Variants in ADGRG6 observed in about 807,000 individuals in gnomAD.
The protein encoded by ADGRG6 is adhesion G protein-coupled receptor G6.
Under a neutral mutation model 142.4 loss-of-function variants are expected in ADGRG6, and 84 were observed. The observed-to-expected ratio is 0.59, with a 90% CI of 0.49 to 0.71. The LOEUF (loss-of-function observed/expected upper bound fraction) is 0.71. ADGRG6 is among the 30% of genes least tolerant of loss of function. The probability of loss-of-function intolerance (pLI) is 0.00; values close to 1 mark genes in which losing one functional copy is unlikely to be tolerated. For missense variants in ADGRG6, 1,367 were observed against 1,466.6 expected, an observed-to-expected ratio of 0.93 and a Z score of 1.11; for synonymous variants, 521 against 520.5, an observed-to-expected ratio of 1.00 and a Z score of -0.01.
intron 2 of ADGRG6, among the ~76,000 whole-genome samples, chr6:142,340,761 C>T (rs779622832): frequency 1.4e-4 from 22 of 151,994 alleles, no homozygotes; most frequent in Non-Finnish European, 2.4e-4. Context: ...GTTGCTGAGC[C>T]TCAATAAGAG....
intron 16 of ADGRG6, among the ~76,000 whole-genome samples, chr6:142,409,133 A>T (rs1775959057): frequency 1.3e-5 from 2 of 152,146 alleles, no homozygotes; most frequent in South Asian, 4.1e-4. Flanking sequence ...CCATCTCCCC[A>T]GTTGAAACTC....
chr6:142,338,288 A>G (rs7738522), intron 2 of ADGRG6, among the ~76,000 whole-genome samples: 150,740 of 151,074 alleles, frequency 1, 75,205 homozygotes, highest in Middle Eastern at 1. Flanking sequence ...GATTACAGGC[A>G]TGAGCCACCG....
In ADGRG6 at chr6:142,443,772, T is replaced by C; in HGVS notation, c.*257T>C. The C allele has an allele frequency of 6.4e-6, 2 of 314,862 alleles. No homozygotes were observed. The highest frequency in any genetic ancestry group is 5.8e-5 in the South Asian group (1 of 17,196). The allele number at this position is 314,862 out of a possible 1,614,324, so 19.5% of individuals were successfully genotyped here. A position where few individuals can be genotyped will look rare whatever the true frequency, so the allele number is the denominator to read the frequency against. On this transcript the variant is annotated 3_prime_UTR_variant, in exon 25 of 25. Coordinates refer to ENST00000367609, the MANE Select transcript of ADGRG6 (RefSeq NM_198569.3). ...CACAGAAGCTATGATTTGTAAAATA[T>C]ATAATTGAATCAGAGTAATCATAAT...
intron 24 of ADGRG6, among the ~76,000 whole-genome samples, chr6:142,439,331 A>T (rs1341417769): frequency 1.1e-4 from 16 of 152,234 alleles, no homozygotes; most frequent in Admixed American, 1.0e-3. Context: ...GATAATGGAA[A>T]TAACTTTTAA....
chr6:142,383,884 A>G lies in ADGRG6; in HGVS notation c.1222+41A>G, dbSNP rs76549509. 2.8e-3 allele frequency: 2,780 copies of G among 1,002,568 alleles called. 52 individuals are homozygous for G. The African/African-American group carries it at 0.038, about 14-fold the overall frequency. 62.1% of individuals were successfully genotyped at this position (1,002,568 alleles called of 1,614,324 possible). Reference sequence around the variant, plus strand: ...CTTTTATATTTTTAGTATGTCTAACATAAAAAATTGTATTCTAAGGATGGA... The same window carrying G: ...CTTTTATATTTTTAGTATGTCTAACGTAAAAAATTGTATTCTAAGGATGGA... On this transcript the variant is annotated intron_variant, in intron 6 of 24. Coordinates refer to ENST00000367609, the MANE Select transcript of ADGRG6 (RefSeq NM_198569.3).
chr6:142,420,294 G>C (rs1214209056), intron 22 of ADGRG6, among the ~76,000 whole-genome samples, 190 bp downstream of exon 22: 1 of 152,104 alleles, frequency 6.6e-6, no homozygotes, highest in East Asian at 1.9e-4. Context: ...TGTTAGTTTT[G>C]CCTTTTTATC....
intron 24 of ADGRG6, among the ~76,000 whole-genome samples, chr6:142,442,400 A>G (rs1391976557): frequency 6.6e-6 from 1 of 152,184 alleles, no homozygotes; most frequent in Non-Finnish European, 1.5e-5. Context: ...GAAGACAACC[A>G]TACGTCTTTA....
chr6:142,320,508 T>G (rs1018813347), intron 2 of ADGRG6, among the ~76,000 whole-genome samples: 5 of 152,090 alleles, frequency 3.3e-5, no homozygotes, highest in Non-Finnish European at 7.4e-5. Flanking sequence ...AAATGAAATT[T>G]TGCAACAATG....
chr6:142,307,344 C>T (rs1221668946), intron 1 of ADGRG6, among the ~76,000 whole-genome samples: 1 of 151,894 alleles, frequency 6.6e-6, no homozygotes, highest in Non-Finnish European at 1.5e-5. Context: ...CCTAAGTTTC[C>T]TTTTTTTGTG....
intron 2 of ADGRG6, among the ~76,000 whole-genome samples, chr6:142,360,930 G>A (rs1466531424): frequency 6.6e-6 from 1 of 152,200 alleles, no homozygotes; most frequent in African/African-American, 2.4e-5. Flanking sequence ...GGGATTACAG[G>A]CATGAGCCAC....
rs79976106 is a variant in ADGRG6 at position 142,330,965 on chromosome 6, A to G, written c.103+21321A>G. Among the ~76,000 whole-genome samples the G allele has an allele frequency of 9.1e-3, 1,380 of 152,144 alleles. 54 individuals carry two copies. Among genetic ancestry groups the G allele is most frequent in the East Asian group, 0.064 (330 of 5,158 alleles). The stretch of plus-strand genomic sequence containing the variant: ...AAAAAGCTTTTTAAGCTTCATTTAT[A>G]TAACTGGACTTGAGGAACAGTTTTT... On this transcript the variant is annotated intron_variant, in intron 2 of 24. Coordinates refer to ENST00000367609, the MANE Select transcript of ADGRG6 (RefSeq NM_198569.3).
In ADGRG6 at chr6:142,302,184, C is replaced by G. The variant is rs1159860094; in HGVS notation, c.-146C>G. The G allele has an allele frequency of 1.2e-6, 1 of 858,612 alleles. No homozygotes were observed. Among genetic ancestry groups the G allele is most frequent in the Non-Finnish European group, 1.8e-6 (1 of 560,866 alleles). 53.2% of individuals were successfully genotyped at this position (858,612 alleles called of 1,614,324 possible). A position where few individuals can be genotyped will look rare whatever the true frequency, so the allele number is the denominator to read the frequency against. On this transcript the variant is annotated 5_prime_UTR_variant, in exon 1 of 25. Transcript: ENST00000367609. ...GCGCCGTCGGGAAAGCCCATGAACTCTCCAGAAACGGCGTAAAGGAGGGTC... is the reference window on the plus strand; with the variant it reads ...GCGCCGTCGGGAAAGCCCATGAACTGTCCAGAAACGGCGTAAAGGAGGGTC...
intron 2 of ADGRG6, among the ~76,000 whole-genome samples, chr6:142,351,171 G>T (rs1583022467): frequency 6.6e-6 from 1 of 152,288 alleles, no homozygotes; most frequent in East Asian, 1.9e-4. Context: ...GGCGGAGCTT[G>T]CAGTGAGCCG....
At position 142,313,887 on chromosome 6, in the gene ADGRG6, TAAAA is replaced by T. The variant is rs577653756; in HGVS notation, c.103+4249_103+4252del. Among the ~76,000 whole-genome samples, 181 of 151,848 alleles carry T rather than the reference TAAAA, an allele frequency of 1.2e-3. 1 individual carries two copies. Among genetic ancestry groups the T allele is most frequent in the African/African-American group, 4.1e-3 (168 of 41,468 alleles). On this transcript the variant is annotated intron_variant, in intron 2 of 24. Coordinates refer to ENST00000367609, the MANE Select transcript of ADGRG6 (RefSeq NM_198569.3). ...AATCCTTTTATGAATGTCCCCTTTT[TAAAA>T]AAAAATTCAGTATTGTGTATTGAAA...
In ADGRG6 at chr6:142,445,210, C is replaced by G. The variant is rs2294775; in HGVS notation, c.*1695C>G. On this transcript the variant is annotated 3_prime_UTR_variant, in exon 25 of 25. Coordinates refer to ENST00000367609, the MANE Select transcript of ADGRG6 (RefSeq NM_198569.3). Reference sequence around the variant, plus strand: ...CATCCTGGGAGACAAGAGCATTACCCAGCTTGGCTTTCACGGGGGAGGGTT... The same window carrying G: ...CATCCTGGGAGACAAGAGCATTACCGAGCTTGGCTTTCACGGGGGAGGGTT... 32,382 of 152,002 alleles carry G rather than the reference C, an allele frequency of 0.21. 3,485 individuals carry two copies. Among genetic ancestry groups the G allele is most frequent in the Middle Eastern group, 0.28 (83 of 294 alleles). The allele number at this position is 152,002 out of a possible 1,614,324, so 9.4% of individuals were successfully genotyped here. A position where few individuals can be genotyped will look rare whatever the true frequency, so the allele number is the denominator to read the frequency against.
At chr6:142,360,442 G>C (rs1432352853) in intron 2 of ADGRG6, among the ~76,000 whole-genome samples, 2 of 152,068 alleles carry the variant, frequency 1.3e-5, no homozygotes, top group African/African-American at 4.8e-5. Flanking sequence ...GGCACACTTG[G>C]TTGCAACCAA....
At chr6:142,364,099 T>C (rs1467513480) in intron 2 of ADGRG6, among the ~76,000 whole-genome samples, 1 of 152,028 alleles carries the variant, frequency 6.6e-6, no homozygotes, top group East Asian at 1.9e-4. Context: ...TGTGTGACTT[T>C]GTGTGAGTTA....
At chr6:142,359,192 G>T (rs1780599292) in intron 2 of ADGRG6, among the ~76,000 whole-genome samples, 1 of 124,128 alleles carries the variant, frequency 8.1e-6, no homozygotes, top group African/African-American at 3.2e-5. Flanking sequence ...GGGAGACAGA[G>T]CAAGACCCTA....
At chr6:142,404,259 A>C (rs556976393) in intron 14 of ADGRG6, 1 of 355,746 alleles carries the variant, frequency 2.8e-6, no homozygotes, top group Non-Finnish European at 5.1e-6. Context: ...GCATCAGTTC[A>C]GTTAGAGGAA....
Sources: allele counts gnomAD v4.1 joint callset (sites outside exome capture counted in the v4.1 genomes callset), GRCh38; gene constraint gnomAD v4.1.1; transcripts MANE v1.5; gene names NCBI Gene and HGNC (gene_info 2026-07-23, HGNC 2026-07-21).